MYBPC1: variants seen among roughly 807,000 people sequenced by gnomAD.
MYBPC1 encodes myosin-binding protein C, slow-type.
A neutral mutation model predicts 147.1 loss-of-function variants in MYBPC1; 52 were observed. The ratio of observed to expected loss-of-function variants is 0.35; its 90% CI spans 0.28 to 0.45. The LOEUF (loss-of-function observed/expected upper bound fraction) is 0.45, where lower values mean the gene tolerates loss of function less well. MYBPC1 is among the 20% of genes least tolerant of loss of function. The probability of loss-of-function intolerance (pLI) is 1.00; values close to 1 mark genes in which losing one functional copy is unlikely to be tolerated. For synonymous variants in MYBPC1, 477 were observed against 475.9 expected (o/e 1.00, Z -0.03); for missense variants, 1,228 against 1,440.3 (o/e 0.85, Z 2.39).
chr12:101,689,948 G>T (rs1055675355), downstream of MYBPC1, among the ~76,000 whole-genome samples: 1 of 152,174 alleles, frequency 6.6e-6, no homozygotes. Flanking sequence ...GCCGAGGCAG[G>T]TGGATCACCT....
chr12:101,650,365 TAAAGGA>T (rs1280725471), intron 15 of MYBPC1, among the ~76,000 whole-genome samples: 2 of 152,120 alleles, frequency 1.3e-5, no homozygotes, highest in African/African-American at 2.4e-5. Context: ...GGGTAATCTA[TAAAGGA>T]AAAAGCTTCA....
chr12:101,684,674 T>C (rs777203045), intron 31 of MYBPC1, among the ~76,000 whole-genome samples: 11 of 152,198 alleles, frequency 7.2e-5, no homozygotes, highest in Non-Finnish European at 1.5e-4. Context: ...AAGCATTTAA[T>C]GTAGACAAAA....
chr12:101,693,040 A>G, the MYBPC1 span, among the ~76,000 whole-genome samples: 1 of 142,230 alleles, frequency 7.0e-6, no homozygotes, highest in Non-Finnish European at 1.5e-5. Context: ...TCCGCCTCCC[A>G]GGTTCACTCC....
chr12:101,595,308 G>T (rs887174304), intron 1 of MYBPC1, among the ~76,000 whole-genome samples: 1 of 152,000 alleles, frequency 6.6e-6, no homozygotes, highest in Non-Finnish European at 1.5e-5. Flanking sequence ...GTTTCTAAAG[G>T]GATATTGACT....
intron 28 of MYBPC1, among the ~76,000 whole-genome samples, chr12:101,679,406 T>C (rs1471243496): frequency 6.6e-6 from 1 of 152,038 alleles, no homozygotes; most frequent in Non-Finnish European, 1.5e-5. Flanking sequence ...ATCGCTCCCA[T>C]TTGACGGGTG....
intron 31 of MYBPC1, among the ~76,000 whole-genome samples, chr12:101,684,696 C>T (rs575560560): frequency 6.6e-6 from 1 of 152,108 alleles, no homozygotes; most frequent in African/African-American, 2.4e-5. Context: ...TGGGTGATAC[C>T]CAAGCATTCT....
chr12:101,609,644 G>A (rs948252744), intron 1 of MYBPC1, among the ~76,000 whole-genome samples: 5 of 152,084 alleles, frequency 3.3e-5, no homozygotes, highest in South Asian at 4.2e-4. Flanking sequence ...TGATTAATAC[G>A]CATACTGCAG....
At chr12:101,695,600 T>C in the MYBPC1 span, among the ~76,000 whole-genome samples, 1 of 152,092 alleles carries the variant, frequency 6.6e-6, no homozygotes, top group South Asian at 2.1e-4. Context: ...GATATCTACT[T>C]TTTGTTTTTC....
chr12:101,652,899 T>C, intron 17 of MYBPC1, 115 bp downstream of exon 17: 1 of 1,096,238 alleles, frequency 9.1e-7, no homozygotes, highest in Non-Finnish European at 1.4e-6. Context: ...ATACATCAAT[T>C]GGTATTAATC....
intron 25 of MYBPC1, 77 bp downstream of exon 25, chr12:101,673,699 G>A: frequency 6.6e-7 from 1 of 1,512,712 alleles, no homozygotes; most frequent in Admixed American, 1.7e-5. Flanking sequence ...TAAGGCAAGA[G>A]CAGGAGTTTT....
chr12:101,681,568 ATATATATATATATATATATATATATTT>A (rs1950952561), intron 29 of MYBPC1, among the ~76,000 whole-genome samples: 8 of 15,690 alleles, frequency 5.1e-4, no homozygotes, highest in South Asian at 3.5e-3. Context: ...ATATATATAT[ATATATATATATATATATATATATATTT>A]TTTTTTTTTT....
chr12:101,664,969 C>G (rs1255092519), intron 22 of MYBPC1, among the ~76,000 whole-genome samples: 1 of 152,102 alleles, frequency 6.6e-6, no homozygotes, highest in Non-Finnish European at 1.5e-5. Flanking sequence ...GCAGAATATC[C>G]CAGTCTTATG....
At chr12:101,690,795 C>T (rs906825513), downstream of MYBPC1, among the ~76,000 whole-genome samples, 1 of 152,130 alleles carries the variant, frequency 6.6e-6, no homozygotes, top group Non-Finnish European at 1.5e-5. Context: ...GAGAGGAGAG[C>T]AAAGGTTTTA....
the MYBPC1 span, among the ~76,000 whole-genome samples, chr12:101,691,581 A>G: frequency 2.0e-5 from 3 of 152,346 alleles, no homozygotes; most frequent in Non-Finnish European, 4.4e-5. Context: ...TAGTAGTAAA[A>G]CTGAGAGCCT....
chr12:101,663,749 T>A (rs1393870246), intron 22 of MYBPC1, among the ~76,000 whole-genome samples, 189 bp downstream of exon 22: 2 of 152,202 alleles, frequency 1.3e-5, no homozygotes, highest in Non-Finnish European at 2.9e-5. Flanking sequence ...TAAATTGATA[T>A]CTCAAAAGTA....
rs1444970034 is a variant in MYBPC1 at position 101,677,275 on chromosome 12, C to T, written c.2990C>T (p.Ala997Val). 2 of 1,613,558 alleles carry T rather than the reference C, an allele frequency of 1.2e-6. No individual in the cohort carries two copies. The highest frequency in any genetic ancestry group is 2.2e-5 in the South Asian group (2 of 91,060). Reference protein sequence around the residue: ...TVIEHYHRTSATITELVIGNE... With the variant: ...TVIEHYHRTSVTITELVIGNE... ...ATTGAGCATTATCATCGAACCAGTG[C>T]CACCATTACTGAATTGGTCATAGGG... The change falls in exon 27 of 32, where the codon GCC (alanine) becomes GTC (valine). Residue 997 changes from alanine to valine, a missense_variant. By Grantham distance (64) the Ala-to-Val change is moderately conservative. This residue lies in a region of MYBPC1 where 1,077 missense variants were observed against 1,314.2 expected (regional missense o/e 0.82). Coordinates refer to ENST00000361466, the MANE Select transcript of MYBPC1 (RefSeq NM_002465.4).
chr12:101,601,076 C>A (rs2135559235), intron 1 of MYBPC1, among the ~76,000 whole-genome samples: 1 of 152,302 alleles, frequency 6.6e-6, no homozygotes, highest in Non-Finnish European at 1.5e-5. Context: ...TTAGGTTAAT[C>A]ATGAAGTAGC....
At chr12:101,671,762 C>T (rs1898787722) in intron 24 of MYBPC1, among the ~76,000 whole-genome samples, 1 of 152,176 alleles carries the variant, frequency 6.6e-6, no homozygotes, top group Non-Finnish European at 1.5e-5. Context: ...CAGCTTCTGT[C>T]ACTGAGTCTG....
In MYBPC1 at chr12:101,671,310, T is replaced by C. The variant is rs79107030; in HGVS notation, c.2613+901T>C. On this transcript the variant is annotated intron_variant, in intron 24 of 31. Transcript: ENST00000361466. ...TCTCTACACACATTTGACACTCATA[T>C]ACACACACACACACACACACACACA... Among the ~76,000 whole-genome samples, 51 of 105,444 alleles carry C rather than the reference T, an allele frequency of 4.8e-4. 1 individual carries two copies. In the East Asian group the frequency reaches 6.6e-3, roughly 14 times the overall value. The allele number at this position is 105,444 out of a possible 152,430, so 69.2% of individuals were successfully genotyped here.
Sources: allele counts gnomAD v4.1 joint callset (sites outside exome capture counted in the v4.1 genomes callset), GRCh38; gene constraint gnomAD v4.1.1; regional missense constraint gnomAD v4.1.1; transcripts MANE v1.5; gene names NCBI Gene and HGNC (gene_info 2026-07-23, HGNC 2026-07-21).